Variants in RNFT2 observed in about 807,000 individuals in gnomAD.
RNFT2 encodes the protein ring finger protein, transmembrane 2.
Under a neutral mutation model 53.0 loss-of-function variants are expected in RNFT2, and 36 were observed. The observed-to-expected ratio is 0.68, with a 90% CI of 0.52 to 0.90. The LOEUF (loss-of-function observed/expected upper bound fraction) is 0.90. Among genes scored for constraint, RNFT2 ranks in the 40% least tolerant of loss-of-function variants. The pLI, the probability that RNFT2 is intolerant of heterozygous loss-of-function variation, is 0.00. For missense variants in RNFT2, 514 were observed against 585.6 expected (o/e 0.88, Z 1.26); for synonymous variants, 260 against 253.2 (o/e 1.03, Z -0.26).
Position 116,766,854 on chromosome 12 carries a change from T to C in RNFT2, c.668T>C (p.Phe223Ser), listed in dbSNP as rs1872936491. The C allele has an allele frequency of 6.3e-7, 1 of 1,599,140 alleles. No individual in the cohort carries two copies. Among genetic ancestry groups the C allele is most frequent in the African/African-American group, 1.3e-5 (1 of 74,760 alleles). ...SVLVILWILAFLAGNTLYVLY... is the reference protein window; with the variant it reads ...SVLVILWILASLAGNTLYVLY... ...CTGGTCATCTTGTGGATCCTGGCCTTTCTGGCGGGGAACACCCTCTATGTG... is the reference window on the plus strand; with the variant it reads ...CTGGTCATCTTGTGGATCCTGGCCTCTCTGGCGGGGAACACCCTCTATGTG... The change falls in exon 6 of 11, where the codon TTT becomes TCT. Residue 223 changes from phenylalanine to serine, a missense_variant. Around this residue, in one of 3 missense-constraint regions of RNFT2, gnomAD observed 273 missense variants for 334.4 expected, o/e 0.82. Transcript: ENST00000257575.
intron 7 of RNFT2, among the ~76,000 whole-genome samples, chr12:116,807,867 G>A (rs973705389): frequency 1.3e-5 from 2 of 152,042 alleles, no homozygotes; most frequent in African/African-American, 4.8e-5. Flanking sequence ...GCTTTGATGC[G>A]ATTGTGGCTC....
intron 6 of RNFT2, among the ~76,000 whole-genome samples, chr12:116,773,896 C>T (rs1326018753): frequency 6.6e-6 from 1 of 152,148 alleles, no homozygotes; most frequent in Non-Finnish European, 1.5e-5. Context: ...AGAAGCAACC[C>T]AGTGTCTATT....
chr12:116,799,768 T>C (rs1874676007), intron 7 of RNFT2, among the ~76,000 whole-genome samples: 1 of 151,964 alleles, frequency 6.6e-6, no homozygotes, highest in Non-Finnish European at 1.5e-5. Context: ...ACTAAAAATA[T>C]GTACCTGTCC....
intron 10 of RNFT2, 68 bp downstream of exon 10, chr12:116,836,350 C>A: frequency 7.6e-7 from 1 of 1,318,658 alleles, no homozygotes; most frequent in Non-Finnish European, 1.1e-6. Context: ...TCCCCATGGG[C>A]AGTCCTCGGG....
At position 116,776,579 on chromosome 12, in the gene RNFT2, C is replaced by G. The variant is rs563995056; in HGVS notation, c.729-2616C>G. ...ACTGAAGGTGTTGTGAGTGACTTGT[C>G]AGTAATTTTGCCCTACTCAAAATAA... On this transcript the variant is annotated intron_variant, in intron 6 of 10. Transcript: ENST00000257575. Among the ~76,000 whole-genome samples the G allele has an allele frequency of 2.2e-3, 334 of 152,282 alleles. 1 individual carries two copies. Among genetic ancestry groups the G allele is most frequent in the Middle Eastern group, 3.4e-3 (1 of 294 alleles).
At chr12:116,785,151 A>G (rs978343182) in intron 7 of RNFT2, among the ~76,000 whole-genome samples, 1 of 151,106 alleles carries the variant, frequency 6.6e-6, no homozygotes, top group Non-Finnish European at 1.5e-5. Flanking sequence ...ACCCCCAGAG[A>G]TGCTCCTTCT....
chr12:116,766,884 A>G lies in RNFT2; in HGVS notation c.698A>G (p.Tyr233Cys). The G allele has an allele frequency of 1.9e-6, 3 of 1,592,320 alleles. No individual in the cohort carries two copies. Among genetic ancestry groups the G allele is most frequent in the Non-Finnish European group, 2.6e-6 (3 of 1,168,844 alleles). ...FLAGNTLYVLYTFSSQQLYNS... is the reference protein window; with the variant it reads ...FLAGNTLYVLCTFSSQQLYNS... ...GCGGGGAACACCCTCTATGTGCTTT[A>G]TACATTCAGCTCCCAGCAGCTGTAC... The change falls in exon 6 of 11, where the codon TAT becomes TGT. Residue 233 changes from tyrosine (Y) to cysteine (C), a missense_variant. Around this residue, in one of 3 missense-constraint regions of RNFT2, gnomAD observed 273 missense variants for 334.4 expected, o/e 0.82. Transcript: ENST00000257575.
In RNFT2 at chr12:116,822,986, G is replaced by T. The variant is rs552768563; in HGVS notation, c.883-10806G>T. Among the ~76,000 whole-genome samples the T allele has an allele frequency of 1.6e-4, 24 of 152,276 alleles. No individual in the cohort carries two copies. The East Asian group carries it at 4.4e-3, about 28-fold the overall frequency. ...CACTCCAGGTTGGGCGATAGTGCGA[G>T]ACTCTGTCTCAAAAAGCAAAAAACG... is the stretch of plus-strand genomic sequence containing the variant. On this transcript the variant is annotated intron_variant, in intron 7 of 10. Transcript: ENST00000257575.
chr12:116,781,657 C>T (rs1873705617), intron 7 of RNFT2, among the ~76,000 whole-genome samples: 2 of 151,600 alleles, frequency 1.3e-5, no homozygotes, highest in African/African-American at 2.4e-5. Context: ...TCCTGCCTTC[C>T]TCTTATAAGG....
rs1286428207 is a variant in RNFT2 at position 116,851,217 on chromosome 12, A to G, written c.*1769A>G. The stretch of plus-strand genomic sequence containing the variant: ...GGCCTGGTACAGTTTCAGAACCCAC[A>G]TCTAAAAAAAAATAAATTTATTAGA... On this transcript the variant is annotated 3_prime_UTR_variant, in exon 11 of 11. Transcript: ENST00000257575. 1 of 152,468 alleles carries G rather than the reference A, an allele frequency of 6.6e-6. No individual in the cohort carries two copies. Among genetic ancestry groups the G allele is most frequent in the African/African-American group, 2.4e-5 (1 of 41,316 alleles). 9.4% of individuals were successfully genotyped at this position (152,468 alleles called of 1,614,324 possible).
At chr12:116,788,254 C>T (rs78870015) in intron 7 of RNFT2, among the ~76,000 whole-genome samples, 2,690 of 152,278 alleles carry the variant, frequency 0.018, 104 homozygotes, top group East Asian at 0.15. Context: ...CTCATTAACT[C>T]GCCCCATTCT....
At chr12:116,790,621 G>T (rs979626377) in intron 7 of RNFT2, among the ~76,000 whole-genome samples, 1 of 152,172 alleles carries the variant, frequency 6.6e-6, no homozygotes, top group African/African-American at 2.4e-5. Flanking sequence ...CTGTTGTCTT[G>T]ATTTTTTGTT....
intron 6 of RNFT2, among the ~76,000 whole-genome samples, chr12:116,768,597 G>A (rs1043576174): frequency 5.3e-5 from 8 of 152,058 alleles, no homozygotes; most frequent in African/African-American, 1.9e-4. Context: ...TAAACCTATT[G>A]TCCTGCCAGT....
chr12:116,749,679 G>A (rs552255742), intron 3 of RNFT2, among the ~76,000 whole-genome samples, 162 bp from the exon 4 acceptor site: 7 of 152,226 alleles, frequency 4.6e-5, no homozygotes, highest in Non-Finnish European at 1.0e-4. Flanking sequence ...TCTTTAAACA[G>A]GGTCACATTC....
In RNFT2 at chr12:116,851,417, A is replaced by G. The variant is rs1877919432; in HGVS notation, c.*1969A>G. 3 of 330,936 alleles carry G rather than the reference A, an allele frequency of 9.1e-6. No homozygotes were observed. Among genetic ancestry groups the G allele is most frequent in the Non-Finnish European group, 1.7e-5 (3 of 175,236 alleles). The allele number at this position is 330,936 out of a possible 1,614,324, so 20.5% of individuals were successfully genotyped here. ...GCTCTGCCCCTCAGACATTCCAGGC[A>G]TGGGGCCCAGCAGACACGGTCTTCT... On this transcript the variant is annotated 3_prime_UTR_variant, in exon 11 of 11. Transcript: ENST00000257575.
intron 6 of RNFT2, among the ~76,000 whole-genome samples, chr12:116,768,299 C>A (rs1043670478): frequency 6.6e-6 from 1 of 152,058 alleles, no homozygotes; most frequent in African/African-American, 2.4e-5. Context: ...TGGGGTTTCA[C>A]CATGTTGGCC....
chr12:116,759,365 C>T (rs945641713), intron 5 of RNFT2, among the ~76,000 whole-genome samples: 2 of 152,094 alleles, frequency 1.3e-5, no homozygotes, highest in African/African-American at 4.8e-5. Flanking sequence ...TCAGGTAAAT[C>T]AGGGATTTCT....
At chr12:116,834,784 C>CA (rs1318038303) in intron 8 of RNFT2, among the ~76,000 whole-genome samples, 2 of 151,766 alleles carry the variant, frequency 1.3e-5, no homozygotes, top group Admixed American at 6.6e-5. Context: ...CTATGAAGCT[C>CA]ACCATATGAT....
chr12:116,749,362 C>G (rs1872065570), intron 3 of RNFT2, among the ~76,000 whole-genome samples: 1 of 147,802 alleles, frequency 6.8e-6, no homozygotes, highest in African/African-American at 2.5e-5. Flanking sequence ...ACTACAGCCT[C>G]AACCTCCTGG....
Sources: gnomAD v4.1 joint callset for allele counts (sites outside exome capture counted in the v4.1 genomes callset) on GRCh38, gnomAD v4.1.1 for gene constraint, gnomAD v4.1.1 regional missense constraint, MANE v1.5 for transcripts, NCBI Gene and HGNC (gene_info 2026-07-23, HGNC 2026-07-21) for gene names.